The following SEC63 variants were observed in gnomAD, a reference collection of about 807,000 sequenced individuals.
SEC63 encodes the protein SEC63 protein translocation regulator.
In SEC63, 56 loss-of-function variants were observed where a neutral mutation model predicts 116.2. The ratio of observed to expected loss-of-function variants is 0.48; its 90% CI spans 0.39 to 0.60. SEC63 has a LOEUF of 0.60. SEC63 is among the 20% of genes least tolerant of loss of function. SEC63 has a pLI of 0.00. For synonymous variants in SEC63, 273 were observed against 294.6 expected, an observed-to-expected ratio of 0.93 and a Z score of 0.75; for missense variants, 668 against 900.0, an observed-to-expected ratio of 0.74 and a Z score of 3.30.
At chr6:107,953,127 G>A (rs1447722241) in intron 1 of SEC63, among the ~76,000 whole-genome samples, 12 of 152,162 alleles carry the variant, frequency 7.9e-5, no homozygotes, top group Admixed American at 5.2e-4. Context: ...AGGCATGGTG[G>A]CTCGCGCCAG....
intron 11 of SEC63, among the ~76,000 whole-genome samples, chr6:107,903,631 G>T (rs576381675): frequency 6.6e-6 from 1 of 152,160 alleles, no homozygotes; most frequent in South Asian, 2.1e-4. Context: ...CTTGAGCCCA[G>T]GAGTTTGAGG....
At chr6:107,877,774 A>G (rs1786315979) in intron 18 of SEC63, among the ~76,000 whole-genome samples, 1 of 152,218 alleles carries the variant, frequency 6.6e-6, no homozygotes, top group Admixed American at 6.5e-5. Flanking sequence ...AATTGCTGCT[A>G]AAATTTTAAC....
rs1038779969 is a variant in SEC63 at position 107,897,697 on chromosome 6, T to C, written c.1392A>G (p.Val464=). 3.7e-6 allele frequency: 6 copies of C among 1,610,178 alleles called. No individual in the cohort carries two copies. Among genetic ancestry groups the C allele is most frequent in the Non-Finnish European group, 1.7e-6 (2 of 1,176,604 alleles). The change falls in exon 14 of 21, where the codon GTA becomes GTG. Residue 464 remains valine, a synonymous_variant. Coordinates refer to ENST00000369002, the MANE Select transcript of SEC63 (RefSeq NM_007214.5). ...LDDEDSNNIT[V]GSLVTVLVKL... ...TAACCAACACTGTAACTAAGGATCC[T>C]ACTGTGATGTTGTTGCTATCTTCAT... is the stretch of plus-strand genomic sequence containing the variant.
intron 5 of SEC63, 54 bp from the exon 6 acceptor site, chr6:107,912,828 A>T: frequency 8.3e-7 from 1 of 1,202,192 alleles, no homozygotes; most frequent in Non-Finnish European, 1.2e-6. Flanking sequence ...AGTTTTAATA[A>T]ATACATTAAA....
At chr6:107,926,538 C>A (rs1787681000) in intron 2 of SEC63, among the ~76,000 whole-genome samples, 1 of 152,174 alleles carries the variant, frequency 6.6e-6, no homozygotes, top group Non-Finnish European at 1.5e-5. Context: ...CGCGGCCAGC[C>A]TACAACAGCA....
Position 107,908,976 on chromosome 6 carries a change from T to G in SEC63, c.684A>C (p.Thr228=). 1 of 1,613,382 alleles carries G rather than the reference T, an allele frequency of 6.2e-7. No individual in the cohort carries two copies. The highest frequency in any genetic ancestry group is 8.5e-7 in the Non-Finnish European group (1 of 1,179,522). ...YSGDQILIRT[T]QIYTYFVYKT... Reference sequence around the variant, plus strand: ...TATAAACAAAGTATGTATAAATCTGTGTTGTGCGTATTAGAATCTGGTCTC... The same window carrying G: ...TATAAACAAAGTATGTATAAATCTGGGTTGTGCGTATTAGAATCTGGTCTC... Residue 228 remains threonine, a synonymous_variant, in exon 8 of 21, where the codon ACA becomes ACC. Coordinates refer to ENST00000369002, the MANE Select transcript of SEC63 (RefSeq NM_007214.5).
At chr6:107,919,018 C>T (rs1787483496) in intron 4 of SEC63, among the ~76,000 whole-genome samples, 1 of 148,528 alleles carries the variant, frequency 6.7e-6, no homozygotes, top group Non-Finnish European at 1.5e-5. Flanking sequence ...TCAAGTGAGT[C>T]TCCTGCCTCA....
intron 1 of SEC63, among the ~76,000 whole-genome samples, chr6:107,938,399 T>C (rs1407180642): frequency 6.6e-6 from 1 of 151,674 alleles, no homozygotes; most frequent in Non-Finnish European, 1.5e-5. Context: ...TACAGGAAGA[T>C]GCCACTATGC....
At chr6:107,955,955 C>T (rs1476209211) in intron 1 of SEC63, 12 of 406,134 alleles carry the variant, frequency 3.0e-5, no homozygotes, top group South Asian at 7.2e-5. Context: ...TTTTATAATA[C>T]GAAACTCACC....
At chr6:107,946,929 A>G (rs964509352) in intron 1 of SEC63, among the ~76,000 whole-genome samples, 4 of 152,184 alleles carry the variant, frequency 2.6e-5, no homozygotes, top group Non-Finnish European at 5.9e-5. Context: ...ACTTGAACCC[A>G]GGAGGCAGAG....
chr6:107,908,621 A>G (rs1449746709), intron 8 of SEC63, among the ~76,000 whole-genome samples: 2 of 152,204 alleles, frequency 1.3e-5, no homozygotes, highest in African/African-American at 4.8e-5. Flanking sequence ...CAAGACACAT[A>G]CAGTAACTAG....
intron 1 of SEC63, among the ~76,000 whole-genome samples, chr6:107,950,603 G>A (rs1562342721): frequency 6.6e-6 from 1 of 152,142 alleles, no homozygotes; most frequent in Admixed American, 6.6e-5. Context: ...CAATAAAGAT[G>A]AGTATACTGA....
At chr6:107,919,795 C>G (rs1787509670) in intron 4 of SEC63, among the ~76,000 whole-genome samples, 1 of 150,708 alleles carries the variant, frequency 6.6e-6, no homozygotes, top group Non-Finnish European at 1.5e-5. Context: ...CCACTCCAGC[C>G]TGGGCGACAG....
intron 4 of SEC63, among the ~76,000 whole-genome samples, chr6:107,919,281 T>A (rs1368285594): frequency 6.6e-6 from 1 of 152,158 alleles, no homozygotes; most frequent in Non-Finnish European, 1.5e-5. Flanking sequence ...TCACTACAGA[T>A]GTGCTAGAAA....
In SEC63 at chr6:107,955,882, CTAAATAAATAAATAAA is replaced by C. The variant is rs150788370; in HGVS notation, c.124+1988_124+2003del. 7.3e-3 allele frequency: 1,568 copies of C among 214,804 alleles called. 351 individuals carry two copies. In the South Asian group the frequency reaches 0.09, roughly 12 times the overall value. The allele number at this position is 214,804 out of a possible 1,614,324, so 13.3% of individuals were successfully genotyped here. On this transcript the variant is annotated intron_variant, in intron 1 of 20. Transcript: ENST00000369002. ...TGGGCAACAGAGTGAGACTCTGTCTCTAAATAAATAAATAAATAAATAAATAAATAAATAGTATGAT... is the reference window on the plus strand; with the variant it reads ...TGGGCAACAGAGTGAGACTCTGTCTCTAAATAAATAAATAAATAGTATGAT...
chr6:107,916,779 C>A (rs890467710), intron 4 of SEC63, among the ~76,000 whole-genome samples: 1 of 152,180 alleles, frequency 6.6e-6, no homozygotes, highest in Non-Finnish European at 1.5e-5. Flanking sequence ...ACAAACTGCA[C>A]CTGCAGAAGA....
chr6:107,911,021 A>T (rs535144110), intron 7 of SEC63: 3 of 261,242 alleles, frequency 1.1e-5, no homozygotes, highest in South Asian at 5.3e-5. Flanking sequence ...AGTTGTGGGT[A>T]ATTTTTGAAT....
intron 20 of SEC63, among the ~76,000 whole-genome samples, chr6:107,872,503 T>TAA (rs35422686): frequency 4.7e-5 from 7 of 147,462 alleles, no homozygotes; most frequent in East Asian, 2.0e-4. Flanking sequence ...ATCTGTGGTT[T>TAA]AAAAAAAAAA....
chr6:107,944,100 G>C (rs1770432814), intron 1 of SEC63, among the ~76,000 whole-genome samples: 2 of 152,194 alleles, frequency 1.3e-5, no homozygotes, highest in South Asian at 4.1e-4. Flanking sequence ...GAACATACTA[G>C]TAGTCTGAAA....
Sources: gnomAD v4.1 joint callset for allele counts (sites outside exome capture counted in the v4.1 genomes callset) on GRCh38, gnomAD v4.1.1 for gene constraint, MANE v1.5 for transcripts, NCBI Gene and HGNC (gene_info 2026-07-23, HGNC 2026-07-21) for gene names.